The following MCTP2 variants were observed in gnomAD, a reference collection of about 807,000 sequenced individuals.
The protein encoded by MCTP2 is multiple C2 and transmembrane domain containing 2.
A neutral mutation model predicts 111.6 loss-of-function variants in MCTP2; 132 were observed. The observed-to-expected ratio is 1.18, with a 90% confidence interval of 1.03 to 1.37. The LOEUF (loss-of-function observed/expected upper bound fraction) is 1.37, where lower values mean the gene tolerates loss of function less well. MCTP2 is among the 40% of genes most tolerant of loss of function. The pLI, the probability that MCTP2 is intolerant of heterozygous loss-of-function variation, is 0.00. For missense variants in MCTP2, 1,183 were observed against 1,067.9 expected, an observed-to-expected ratio of 1.11 and a Z score of -1.50; for synonymous variants, 395 against 387.7, an observed-to-expected ratio of 1.02 and a Z score of -0.22.
Position 94,481,459 on chromosome 15 carries a change from T to A in MCTP2, c.*2425T>A, listed in dbSNP as rs1021173024. The A allele has an allele frequency of 3.3e-5, 5 of 152,288 alleles. No homozygotes were observed. The East Asian group carries it at 9.6e-4, about 29-fold the overall frequency. 9.4% of individuals were successfully genotyped at this position (152,288 alleles called of 1,614,324 possible). ...GTGTCAATGCATTAACCACTTCTGT[T>A]CTGATTTCCACCACCCAAGTGGAGG... On this transcript the variant is annotated 3_prime_UTR_variant, in exon 23 of 23. Transcript: ENST00000357742.
chr15:94,375,845 G>T (rs2079742659), intron 12 of MCTP2, among the ~76,000 whole-genome samples: 1 of 152,226 alleles, frequency 6.6e-6, no homozygotes, highest in Admixed American at 6.5e-5. Flanking sequence ...TGATCCAGGA[G>T]AATAAAGATA....
At chr15:94,290,458 A>G (rs2074981665) in intron 1 of MCTP2, among the ~76,000 whole-genome samples, 1 of 152,234 alleles carries the variant, frequency 6.6e-6, no homozygotes, top group Non-Finnish European at 1.5e-5. Flanking sequence ...AAAATGGAAC[A>G]CTATAACCTC....
At chr15:94,333,794 AG>A (rs1324108181) in intron 4 of MCTP2, among the ~76,000 whole-genome samples, 9 of 152,228 alleles carry the variant, frequency 5.9e-5, no homozygotes. Flanking sequence ...ACAGTAGGTA[AG>A]GAAGCAGCCA....
At chr15:94,402,334 A>T (rs1431180263) in intron 17 of MCTP2, 1 of 985,232 alleles carries the variant, frequency 1.0e-6, no homozygotes, top group Non-Finnish European at 1.2e-6. Context: ...ATTTCTGAAA[A>T]ATGGCATCTG....
At chr15:94,336,225 A>G (rs1215956295) in intron 4 of MCTP2, among the ~76,000 whole-genome samples, 2 of 152,054 alleles carry the variant, frequency 1.3e-5, no homozygotes, top group Admixed American at 6.6e-5. Flanking sequence ...CATGCCTCCT[A>G]CTGGAATGAC....
intron 20 of MCTP2, among the ~76,000 whole-genome samples, chr15:94,461,712 C>A (rs1567757951): frequency 6.6e-6 from 1 of 151,896 alleles, no homozygotes; most frequent in Non-Finnish European, 1.5e-5. Context: ...GTAGAACTGC[C>A]CTGGCTAGAA....
intron 17 of MCTP2, chr15:94,402,665 C>T: frequency 2.0e-6 from 3 of 1,522,216 alleles, no homozygotes; most frequent in Non-Finnish European, 2.6e-6. Context: ...GGCCTCATGC[C>T]TTCACTTTAT....
intron 15 of MCTP2, 56 bp from the exon 16 acceptor site, chr15:94,399,865 A>G (rs2152473101): frequency 1.4e-6 from 2 of 1,461,566 alleles, no homozygotes; most frequent in Non-Finnish European, 1.9e-6. Flanking sequence ...TAAGAAAACT[A>G]GGTGGATGAA....
chr15:94,395,942 A>T (rs556498238), intron 14 of MCTP2, among the ~76,000 whole-genome samples: 19 of 152,290 alleles, frequency 1.2e-4, no homozygotes, highest in Admixed American at 6.5e-4. Context: ...AAATAATATA[A>T]GGGACATGAA....
chr15:94,347,939 C>A (rs1298105888), intron 8 of MCTP2, among the ~76,000 whole-genome samples: 1 of 151,876 alleles, frequency 6.6e-6, no homozygotes, highest in Admixed American at 6.6e-5. Context: ...ACACCCCCTG[C>A]TATTATTTGG....
chr15:94,402,368 A>C, intron 17 of MCTP2: 1 of 1,483,074 alleles, frequency 6.7e-7, no homozygotes, highest in East Asian at 2.5e-5. Context: ...CTAAATAATA[A>C]CTGAATTGTT....
intron 10 of MCTP2, among the ~76,000 whole-genome samples, chr15:94,364,262 A>C (rs1398563089): frequency 6.6e-6 from 1 of 152,102 alleles, no homozygotes; most frequent in Non-Finnish European, 1.5e-5. Flanking sequence ...TGATTTTAGT[A>C]GTTGCTACAG....
At chr15:94,350,044 G>C (rs767608369) in intron 8 of MCTP2, among the ~76,000 whole-genome samples, 1 of 152,134 alleles carries the variant, frequency 6.6e-6, no homozygotes, top group Non-Finnish European at 1.5e-5. Context: ...TCTTCAATCA[G>C]CAACTCTGGA....
In MCTP2 at chr15:94,340,168, A is replaced by G. The variant is rs766663553; in HGVS notation, c.781-31A>G. The stretch of plus-strand genomic sequence containing the variant: ...AAAACTCAGTTGGTTTACCATAATA[A>G]TGTGTTAATTGACCTCTGTCCTCTT... On this transcript the variant is annotated intron_variant, in intron 5 of 22. Coordinates refer to ENST00000357742, the MANE Select transcript of MCTP2 (RefSeq NM_001385001.1). 11 of 1,463,008 alleles carry G rather than the reference A, an allele frequency of 7.5e-6. No homozygotes were observed. The Admixed American group carries it at 1.8e-4, about 23-fold the overall frequency. 90.6% of individuals were successfully genotyped at this position (1,463,008 alleles called of 1,614,324 possible). A position where few individuals can be genotyped will look rare whatever the true frequency, so the allele number is the denominator to read the frequency against.
In MCTP2 at chr15:94,293,109, A is replaced by G. The variant is rs1281652106; in HGVS notation, c.-65-5092A>G. The G allele has an allele frequency of 2.0e-5, 3 of 152,184 alleles. No homozygotes were observed. The East Asian group carries it at 5.8e-4, about 29-fold the overall frequency. 9.4% of individuals were successfully genotyped at this position (152,184 alleles called of 1,614,324 possible). On this transcript the variant is annotated intron_variant, in intron 1 of 22. Coordinates refer to ENST00000357742, the MANE Select transcript of MCTP2 (RefSeq NM_001385001.1). ...TAAAATGTAAAACTATATTACTATTAGAAAACATGGGAGAAAACCTTTGTT... is the reference window on the plus strand; with the variant it reads ...TAAAATGTAAAACTATATTACTATTGGAAAACATGGGAGAAAACCTTTGTT...
chr15:94,315,888 ACT>A (rs758943172), intron 4 of MCTP2, among the ~76,000 whole-genome samples: 9 of 152,334 alleles, frequency 5.9e-5, no homozygotes, highest in South Asian at 2.1e-4. Context: ...GAATGAGATA[ACT>A]CTGATAGCTT....
At chr15:94,385,548 C>T in intron 14 of MCTP2, 23 bp downstream of exon 14, 1 of 1,489,408 alleles carries the variant, frequency 6.7e-7, no homozygotes, top group South Asian at 1.1e-5. Flanking sequence ...TATTAATAAA[C>T]AATTTGTGAG....
intron 1 of MCTP2, among the ~76,000 whole-genome samples, chr15:94,280,565 C>A (rs908141727): frequency 1.3e-5 from 2 of 151,336 alleles, no homozygotes; most frequent in African/African-American, 2.4e-5. Context: ...TTTCATTGAC[C>A]TTTTGTATGG....
chr15:94,382,968 C>T (rs2080236536), intron 12 of MCTP2, among the ~76,000 whole-genome samples: 1 of 152,198 alleles, frequency 6.6e-6, no homozygotes, highest in South Asian at 2.1e-4. Flanking sequence ...AACTTTGGAT[C>T]TGGAAATTTC....
Sources: gnomAD v4.1 joint callset for allele counts (sites outside exome capture counted in the v4.1 genomes callset) on GRCh38, gnomAD v4.1.1 for gene constraint, MANE v1.5 for transcripts, NCBI Gene and HGNC (gene_info 2026-07-23, HGNC 2026-07-21) for gene names.